The following GPC5 variants were observed in gnomAD, a reference collection of about 807,000 sequenced individuals.
GPC5 encodes the protein glypican-5.
In GPC5, 47 loss-of-function variants were observed where a neutral mutation model predicts 53.9. That is an observed-to-expected ratio of 0.87 (90% CI 0.69 to 1.11). The LOEUF is 1.11. Ranked by LOEUF, GPC5 falls within the 50% of genes most tolerant of loss-of-function variation. The pLI, the probability that GPC5 is intolerant of heterozygous loss-of-function variation, is 0.00. For synonymous variants in GPC5, 286 were observed against 263.3 expected (o/e 1.09, Z -0.84); for missense variants, 748 against 713.1 (o/e 1.05, Z -0.56).
chr13:92,049,665 A>C (rs2041011300), intron 6 of GPC5, among the ~76,000 whole-genome samples: 1 of 152,154 alleles, frequency 6.6e-6, no homozygotes, highest in Non-Finnish European at 1.5e-5. Context: ...TTAATATTTT[A>C]TAATGTTGTA....
At chr13:92,369,527 T>C (rs9584026) in intron 7 of GPC5, among the ~76,000 whole-genome samples, 2,293 of 152,340 alleles carry the variant, frequency 0.015, 61 homozygotes, top group African/African-American at 0.052. Flanking sequence ...GTATTAAATA[T>C]AGTAAATTGA....
At chr13:92,326,484 A>G (rs2043252081) in intron 7 of GPC5, among the ~76,000 whole-genome samples, 2 of 152,072 alleles carry the variant, frequency 1.3e-5, no homozygotes, top group Admixed American at 6.6e-5. Context: ...TGTTTTAAAA[A>G]CTCATAAATC....
At chr13:92,237,305 C>A (rs139936610) in intron 7 of GPC5, among the ~76,000 whole-genome samples, 31 of 152,158 alleles carry the variant, frequency 2.0e-4, no homozygotes, top group Admixed American at 5.2e-4. Context: ...CTGCAACCTC[C>A]GCCTCCCAAG....
chr13:91,610,659 A>G (rs149749562), intron 2 of GPC5, among the ~76,000 whole-genome samples: 37 of 152,320 alleles, frequency 2.4e-4, no homozygotes, highest in African/African-American at 8.4e-4. Context: ...TTAATTCTGC[A>G]TGGAATTTAT....
At chr13:92,216,657 A>G (rs1366350697) in intron 7 of GPC5, among the ~76,000 whole-genome samples, 1 of 152,136 alleles carries the variant, frequency 6.6e-6, no homozygotes, top group Non-Finnish European at 1.5e-5. Context: ...CATTTTACCA[A>G]TGAGGGGAAT....
chr13:92,596,505 C>A (rs887712087), intron 7 of GPC5, among the ~76,000 whole-genome samples: 2 of 151,890 alleles, frequency 1.3e-5, no homozygotes, highest in African/African-American at 4.8e-5. Flanking sequence ...GACAGAGTCT[C>A]ACTCTGTCGC....
At chr13:92,789,307 T>C (rs1324451559) in intron 7 of GPC5, among the ~76,000 whole-genome samples, 1 of 152,176 alleles carries the variant, frequency 6.6e-6, no homozygotes, top group Non-Finnish European at 1.5e-5. Flanking sequence ...ATGTTTTCTG[T>C]TGAACTTTAC....
rs12872685 is a variant in GPC5, at chr13:92,725,435, T to C, written c.1562-140847T>C. Among the ~76,000 whole-genome samples, 404 of 151,664 alleles carry C rather than the reference T, an allele frequency of 2.7e-3. 3 individuals carry two copies. Among genetic ancestry groups the C allele is most frequent in the Admixed American group, 5.8e-3 (88 of 15,130 alleles). On this transcript the variant is annotated intron_variant, in intron 7 of 7. Coordinates refer to ENST00000377067, the MANE Select transcript of GPC5 (RefSeq NM_004466.6). ...ACATTTATGACTTGAAAAAAACACT[T>C]TCTTCTTTAAAACAAAGAAGGCATA...
At chr13:92,682,782 A>C (rs545518285) in intron 7 of GPC5, among the ~76,000 whole-genome samples, 2 of 152,322 alleles carry the variant, frequency 1.3e-5, no homozygotes, top group African/African-American at 2.4e-5. Flanking sequence ...TATTTCAAGA[A>C]ATTTTCAGTT....
chr13:91,927,417 G>T (rs1486845892), intron 6 of GPC5, among the ~76,000 whole-genome samples: 2 of 152,014 alleles, frequency 1.3e-5, no homozygotes, highest in African/African-American at 4.8e-5. Flanking sequence ...TTCTGTGAAT[G>T]CTAGAAAATT....
At chr13:91,998,813 T>A (rs897534021) in intron 6 of GPC5, among the ~76,000 whole-genome samples, 18 of 152,210 alleles carry the variant, frequency 1.2e-4, no homozygotes, top group Admixed American at 5.2e-4. Context: ...TGAGGGCTTA[T>A]TATTTTTTGC....
chr13:91,434,756 G>C (rs1879779176), intron 1 of GPC5, among the ~76,000 whole-genome samples: 1 of 152,144 alleles, frequency 6.6e-6, no homozygotes, highest in Admixed American at 6.5e-5. Flanking sequence ...AGATGGCATT[G>C]AATCTATAAA....
At position 92,543,201 on chromosome 13, in the gene GPC5, T is replaced by C. The variant is rs573589651; in HGVS notation, c.1562-323081T>C. 8.5e-5 allele frequency among the ~76,000 whole-genome samples: 13 copies of C among 152,198 alleles called. No homozygotes were observed. In the South Asian group the frequency reaches 2.7e-3, roughly 32 times the overall value. On this transcript the variant is annotated intron_variant, in intron 7 of 7. Transcript: ENST00000377067. ...TCATTTTCTCTATTTGTCTGTGTCATATCAAAATACCTGTCTTCACATTCA... is the reference window on the plus strand; with the variant it reads ...TCATTTTCTCTATTTGTCTGTGTCACATCAAAATACCTGTCTTCACATTCA...
At chr13:92,194,459 C>A (rs1377579039) in intron 7 of GPC5, among the ~76,000 whole-genome samples, 1 of 152,322 alleles carries the variant, frequency 6.6e-6, no homozygotes, top group South Asian at 2.1e-4. Flanking sequence ...AGTCTCCTGT[C>A]TGAGCAATTT....
intron 2 of GPC5, among the ~76,000 whole-genome samples, chr13:91,456,475 G>A (rs1881561136): frequency 6.6e-6 from 1 of 151,648 alleles, no homozygotes; most frequent in Non-Finnish European, 1.5e-5. Flanking sequence ...ATAATAATCT[G>A]CAAAGTTAAT....
intron 6 of GPC5, among the ~76,000 whole-genome samples, chr13:92,084,942 G>A (rs567797142): frequency 1.8e-4 from 28 of 152,268 alleles, no homozygotes; most frequent in Admixed American, 1.6e-3. Flanking sequence ...TGTTTGAGAT[G>A]AGATGTCAGC....
At chr13:91,489,115 A>T (rs1308693862) in intron 2 of GPC5, among the ~76,000 whole-genome samples, 1 of 152,130 alleles carries the variant, frequency 6.6e-6, no homozygotes, top group Non-Finnish European at 1.5e-5. Flanking sequence ...TGTGCTCGAA[A>T]CTTCATTAGC....
intron 7 of GPC5, among the ~76,000 whole-genome samples, chr13:92,337,991 G>A (rs543058308): frequency 6.6e-6 from 1 of 152,020 alleles, no homozygotes; most frequent in Admixed American, 6.6e-5. Flanking sequence ...CTTCTGCTCC[G>A]TGAAAGAATA....
At chr13:92,736,046 A>AAAAT (rs1172256199) in intron 7 of GPC5, among the ~76,000 whole-genome samples, 2 of 152,022 alleles carry the variant, frequency 1.3e-5, no homozygotes, top group African/African-American at 4.8e-5. Context: ...CTAACAAGCA[A>AAAAT]AAATATAAGC....
Sources: allele counts gnomAD v4.1 joint callset (sites outside exome capture counted in the v4.1 genomes callset), GRCh38; gene constraint gnomAD v4.1.1; transcripts MANE v1.5; gene names NCBI Gene and HGNC (gene_info 2026-07-23, HGNC 2026-07-21).